Variants in SCN4B observed in about 807,000 individuals in gnomAD.
SCN4B encodes sodium channel regulatory subunit beta-4.
In SCN4B, 20 loss-of-function variants were observed where a neutral mutation model predicts 19.6. The observed-to-expected ratio is 1.02, with a 90% CI of 0.72 to 1.48. SCN4B has a LOEUF of 1.48. Ranked by LOEUF, SCN4B falls within the 40% of genes most tolerant of loss-of-function variation. SCN4B has a pLI of 0.00. For missense variants in SCN4B, 271 were observed against 287.5 expected, an observed-to-expected ratio of 0.94 and a Z score of 0.42; for synonymous variants, 127 against 122.8, an observed-to-expected ratio of 1.03 and a Z score of -0.22.
chr11:118,141,182 A>G (rs369497489), intron 4 of SCN4B, 25 bp downstream of exon 4: 67 of 1,612,582 alleles, frequency 4.2e-5, no homozygotes, highest in Non-Finnish European at 4.8e-5. Context: ...CTGGGAGGAC[A>G]GGAGTGTGCT....
chr11:118,150,644 G>GGT (rs1351232781), intron 1 of SCN4B, among the ~76,000 whole-genome samples: 2 of 152,128 alleles, frequency 1.3e-5, no homozygotes, highest in African/African-American at 4.8e-5. Flanking sequence ...ATCCCTCTCT[G>GGT]GACCATGACT....
intron 1 of SCN4B, 141 bp downstream of exon 1, chr11:118,152,472 A>T: frequency 1.4e-6 from 1 of 702,684 alleles, no homozygotes; most frequent in South Asian, 1.7e-5. Context: ...GGCAGGAACC[A>T]GGCAGGAAGC....
chr11:118,139,888 C>CTTTTTTTT (rs5795120), intron 4 of SCN4B, among the ~76,000 whole-genome samples: 6 of 139,734 alleles, frequency 4.3e-5, no homozygotes, highest in African/African-American at 1.3e-4. Context: ...TCTAGCATTC[C>CTTTTTTTT]TTTTTTTTTT....
rs753169114 is a variant in SCN4B, at chr11:118,136,882, G to A, written c.*145C>T. ...GGAAGGGGATGGGCAGGCTGGGCAGGACTCTGGTTTCTTGTGCCCGGAAAG... is the reference window on the plus strand; with the variant it reads ...GGAAGGGGATGGGCAGGCTGGGCAGAACTCTGGTTTCTTGTGCCCGGAAAG... On this transcript the variant is annotated 3_prime_UTR_variant, in exon 5 of 5. Transcript: ENST00000324727. 14 of 707,950 alleles carry A rather than the reference G, an allele frequency of 2.0e-5. No homozygotes were observed. In the African/African-American group the frequency reaches 2.4e-4, roughly 12 times the overall value. 43.9% of individuals were successfully genotyped at this position (707,950 alleles called of 1,614,324 possible). A position where few individuals can be genotyped will look rare whatever the true frequency, so the allele number is the denominator to read the frequency against.
At chr11:118,146,499 T>A (rs2135506655) in intron 1 of SCN4B, among the ~76,000 whole-genome samples, 1 of 152,360 alleles carries the variant, frequency 6.6e-6, no homozygotes, top group East Asian at 1.9e-4. Flanking sequence ...TTCCCTGTTC[T>A]GCATCATAAA....
chr11:118,145,451 G>T, intron 1 of SCN4B: 4 of 1,474,254 alleles, frequency 2.7e-6, no homozygotes, highest in Non-Finnish European at 3.6e-6. Context: ...GGACCAGGGA[G>T]TAGCCCTTGT....
intron 1 of SCN4B, among the ~76,000 whole-genome samples, chr11:118,147,474 G>A (rs1284343527): frequency 6.6e-6 from 1 of 152,116 alleles, no homozygotes; most frequent in African/African-American, 2.4e-5. Flanking sequence ...TCAGATATTA[G>A]CCCCTTTCCA....
rs1947995041 is a variant in SCN4B at position 118,136,042 on chromosome 11, G to GGA, written c.*984_*985insTC. On this transcript the variant is annotated 3_prime_UTR_variant, in exon 5 of 5. Coordinates refer to ENST00000324727, the MANE Select transcript of SCN4B (RefSeq NM_174934.4). ...GGGCGTGATGGAGGGCACGGTGGGGGGGGGGGAGCGAGCCAATGGGAGGTT... is the reference window on the plus strand; with the variant it reads ...GGGCGTGATGGAGGGCACGGTGGGGGGAGGGGGGAGCGAGCCAATGGGAGGTT... The GGA allele has an allele frequency of 2.3e-6, 1 of 436,428 alleles. No homozygotes were observed. The highest frequency in any genetic ancestry group is 2.4e-5 in the Admixed American group (1 of 41,122). The allele number at this position is 436,428 out of a possible 1,614,324, so 27.0% of individuals were successfully genotyped here.
At chr11:118,139,992 C>A (rs1281199222) in intron 4 of SCN4B, among the ~76,000 whole-genome samples, 1 of 151,636 alleles carries the variant, frequency 6.6e-6, no homozygotes, top group African/African-American at 2.4e-5. Flanking sequence ...CCTGCCTCAG[C>A]CCCCCAGGGA....
chr11:118,145,688 G>A (rs1948164377), intron 1 of SCN4B: 12 of 314,390 alleles, frequency 3.8e-5, no homozygotes, highest in South Asian at 3.1e-4. Flanking sequence ...GACGGGCGGG[G>A]CGGTCGAGGA....
chr11:118,152,505 G>T, intron 1 of SCN4B, 108 bp downstream of exon 1: 2 of 937,768 alleles, frequency 2.1e-6, no homozygotes, highest in Non-Finnish European at 3.4e-6. Context: ...TCCTCATTCC[G>T]TGCCGCACTC....
Position 118,152,602 on chromosome 11 carries a change from G to A in SCN4B, c.61+11C>T. On this transcript the variant is annotated intron_variant, in intron 1 of 4. Transcript: ENST00000324727. ...GAGGCAAGAGAAGAGACCAAGCTGG[G>A]GCTGCCTTACCCAAAAGCCCAGTGC... 6.2e-7 allele frequency: 1 copy of A among 1,611,498 alleles called. No homozygotes were observed. The highest frequency in any genetic ancestry group is 8.5e-7 in the Non-Finnish European group (1 of 1,178,226).
Position 118,144,029 on chromosome 11 carries a change from A to G in SCN4B, c.267T>C (p.Ser89=). 1 of 1,614,024 alleles carries G rather than the reference A, an allele frequency of 6.2e-7. No individual in the cohort carries two copies. Among genetic ancestry groups the G allele is most frequent in the Non-Finnish European group, 8.5e-7 (1 of 1,179,874 alleles). Residue 89 remains serine, a synonymous_variant, in exon 3 of 5, where the codon TCT becomes TCC. Coordinates refer to ENST00000324727, the MANE Select transcript of SCN4B (RefSeq NM_174934.4). Reference sequence around the variant, plus strand: ...CGTCTTTCAACGTCACCTTGGGGTCAGACTTCTCATTCTTCACAGTCCCCT... The same window carrying G: ...CGTCTTTCAACGTCACCTTGGGGTCGGACTTCTCATTCTTCACAGTCCCCT... ...LIEGTVKNEK[S]DPKVTLKDDD...
chr11:118,146,188 G>A (rs1451261528), intron 1 of SCN4B, among the ~76,000 whole-genome samples: 1 of 152,070 alleles, frequency 6.6e-6, no homozygotes, highest in Non-Finnish European at 1.5e-5. Flanking sequence ...CTCACGCTTC[G>A]AACCTCCGCC....
At chr11:118,146,926 C>A (rs1948184428) in intron 1 of SCN4B, among the ~76,000 whole-genome samples, 1 of 152,186 alleles carries the variant, frequency 6.6e-6, no homozygotes. Flanking sequence ...TTTCAATTAG[C>A]CTTTATTTTT....
chr11:118,134,624 C>T lies in SCN4B; in HGVS notation c.*2403G>A. ...GCCATGGACAAGAAGCTTTAAGCAT[C>T]AGAGTCAAGGTTTCTAATATTGCAA... On this transcript the variant is annotated 3_prime_UTR_variant, in exon 5 of 5. Transcript: ENST00000324727. 2.2e-6 allele frequency: 1 copy of T among 454,006 alleles called. No homozygotes were observed. Among genetic ancestry groups the T allele is most frequent in the Non-Finnish European group, 4.4e-6 (1 of 226,782 alleles). The allele number at this position is 454,006 out of a possible 1,614,324, so 28.1% of individuals were successfully genotyped here.
chr11:118,152,668 G>A lies in SCN4B; in HGVS notation c.6C>T (p.Pro2=), dbSNP rs779559502. Residue 2 remains proline, a synonymous_variant, in exon 1 of 5, where the codon CCC becomes CCT. Transcript: ENST00000324727. The part of the protein sequence containing the change: M[P]GAGDGGKAPA... ...GGGCTTTGCCTCCGTCCCCAGCCCC[G>A]GGCATAGTCCTGTTCTCTCCGGAGC... 4 of 1,610,592 alleles carry A rather than the reference G, an allele frequency of 2.5e-6. No homozygotes were observed. Among genetic ancestry groups the A allele is most frequent in the Non-Finnish European group, 3.4e-6 (4 of 1,178,096 alleles).
rs1948003968 is a variant in SCN4B, at chr11:118,136,284, A to G, written c.*743T>C. The G allele has an allele frequency of 2.2e-6, 1 of 453,720 alleles. No individual in the cohort carries two copies. The highest frequency in any genetic ancestry group is 1.6e-5 in the South Asian group (1 of 64,454). 28.1% of individuals were successfully genotyped at this position (453,720 alleles called of 1,614,324 possible). A position where few individuals can be genotyped will look rare whatever the true frequency, so the allele number is the denominator to read the frequency against. ...GGAAAGGCATAGGGAGCACTCGGGT[A>G]CTCCAGGAAGGCTCGAGGGGCCCCT... On this transcript the variant is annotated 3_prime_UTR_variant, in exon 5 of 5. Coordinates refer to ENST00000324727, the MANE Select transcript of SCN4B (RefSeq NM_174934.4).
chr11:118,144,916 A>T (rs1206933487), intron 2 of SCN4B, 141 bp downstream of exon 2: 1 of 841,462 alleles, frequency 1.2e-6, no homozygotes, highest in Non-Finnish European at 2.1e-6. Context: ...AGGCTCTGAA[A>T]AGAATACTGG....
Sources: gnomAD v4.1 joint callset for allele counts (sites outside exome capture counted in the v4.1 genomes callset) on GRCh38, gnomAD v4.1.1 for gene constraint, MANE v1.5 for transcripts, NCBI Gene and HGNC (gene_info 2026-07-23, HGNC 2026-07-21) for gene names.